OSBPL1A: variants seen among roughly 807,000 people sequenced by gnomAD.
OSBPL1A encodes the protein oxysterol binding protein like 1A, also known as oxysterol-binding protein-related protein 1.
OSBPL1A carries 80 observed loss-of-function variants against 137.1 expected under a neutral mutation model. The observed-to-expected ratio is 0.58, with a 90% CI of 0.49 to 0.70. The LOEUF (loss-of-function observed/expected upper bound fraction) is 0.70. Ranked by LOEUF, OSBPL1A falls within the 30% of genes least tolerant of loss-of-function variation. The probability of loss-of-function intolerance (pLI) is 0.00; values close to 1 mark genes in which losing one functional copy is unlikely to be tolerated. For synonymous variants in OSBPL1A, 365 were observed against 389.7 expected (o/e 0.94, Z 0.75); for missense variants, 970 against 1,129.4 (o/e 0.86, Z 2.02).
intron 24 of OSBPL1A, 88 bp downstream of exon 24, chr18:24,170,237 CTG>C (rs1248745838): frequency 1.4e-6 from 2 of 1,429,216 alleles, no homozygotes; most frequent in Non-Finnish European, 1.9e-6. Flanking sequence ...GAAAGTTAAA[CTG>C]TGACCCTAGA....
chr18:24,166,028 T>A (rs895619460), intron 26 of OSBPL1A, among the ~76,000 whole-genome samples: 1 of 151,846 alleles, frequency 6.6e-6, no homozygotes, highest in South Asian at 2.1e-4. Flanking sequence ...ACCCAGGAGG[T>A]GGAGGTTGCA....
intron 1 of OSBPL1A, among the ~76,000 whole-genome samples, chr18:24,379,152 A>T (rs999504016): frequency 7.2e-5 from 11 of 152,222 alleles, no homozygotes; most frequent in Admixed American, 6.5e-5. Context: ...AAAAATTAAA[A>T]CTTCAATAAA....
At position 24,252,978 on chromosome 18, in the gene OSBPL1A, A is replaced by G. The variant is rs570864339; in HGVS notation, c.1282-13596T>C. ...GAAAAACATACAATACACAAAAAAT[A>G]AAAAGCAAGAAATTAAATCATACCA... is the stretch of plus-strand genomic sequence containing the variant. On this transcript the variant is annotated intron_variant, in intron 15 of 27. Coordinates refer to ENST00000319481, the MANE Select transcript of OSBPL1A (RefSeq NM_080597.4). Among the ~76,000 whole-genome samples the G allele has an allele frequency of 7.6e-4, 115 of 152,134 alleles. 1 individual carries two copies. In the South Asian group the frequency reaches 0.023, roughly 31 times the overall value.
intron 15 of OSBPL1A, among the ~76,000 whole-genome samples, chr18:24,242,815 A>C (rs2088748222): frequency 6.6e-6 from 1 of 152,204 alleles, no homozygotes; most frequent in African/African-American, 2.4e-5. Flanking sequence ...CAAATTACTC[A>C]TGTAATTACA....
intron 14 of OSBPL1A, among the ~76,000 whole-genome samples, chr18:24,300,817 GTC>G (rs146806503): frequency 1.9e-4 from 29 of 149,578 alleles, no homozygotes; most frequent in Non-Finnish European, 2.5e-4. Context: ...CTATCAGTCT[GTC>G]TCTCTCTCTC....
chr18:24,190,619 C>T (rs1008246341), intron 18 of OSBPL1A, among the ~76,000 whole-genome samples: 1 of 152,202 alleles, frequency 6.6e-6, no homozygotes, highest in African/African-American at 2.4e-5. Context: ...TGATCTTAGA[C>T]CACTGTAGAG....
chr18:24,167,430 C>A lies in OSBPL1A; in HGVS notation c.2434G>T (p.Glu812Ter). 1 of 1,614,152 alleles carries A rather than the reference C, an allele frequency of 6.2e-7. No homozygotes were observed. The highest frequency in any genetic ancestry group is 8.5e-7 in the Non-Finnish European group (1 of 1,179,990). Reference protein sequence around the residue: ...KNSKQMSTSEELDEMPVPDSE... With the variant: ...KNSKQMSTSE ...TCCGGCACTGGCATTTCATCCAACT[C>A]CTCAGAGGTGCTCATCTAGAAAAAC... Residue 812 changes from glutamate (E) to a stop codon, truncating the protein, a stop_gained, in exon 25 of 28, where the codon GAG becomes TAG. Transcript: ENST00000319481. LOFTEE classifies it high-confidence loss of function.
intron 7 of OSBPL1A, among the ~76,000 whole-genome samples, chr18:24,328,226 T>G (rs1016127984): frequency 8.9e-6 from 1 of 112,312 alleles, no homozygotes; most frequent in African/African-American, 2.9e-5. Context: ...GTATTTTTTT[T>G]TTTTTTTTTT....
chr18:24,293,123 A>AC (rs2090212759), intron 14 of OSBPL1A, among the ~76,000 whole-genome samples: 1 of 79,014 alleles, frequency 1.3e-5, no homozygotes, highest in Non-Finnish European at 3.1e-5. Flanking sequence ...AAAAAAAAAA[A>AC]AAAAAGAAAA....
At position 24,272,592 on chromosome 18, in the gene OSBPL1A, T is replaced by A. The variant is rs145463610; in HGVS notation, c.1281+8250A>T. Among the ~76,000 whole-genome samples, 138 of 152,344 alleles carry A rather than the reference T, an allele frequency of 9.1e-4. 1 individual carries two copies. Among genetic ancestry groups the A allele is most frequent in the Middle Eastern group, 3.4e-3 (1 of 294 alleles). ...GGGATGTTCAGGTTAATGAAATTTATGGTTAACTGTAACACTCTGATGGAG... is the reference window on the plus strand; with the variant it reads ...GGGATGTTCAGGTTAATGAAATTTAAGGTTAACTGTAACACTCTGATGGAG... On this transcript the variant is annotated intron_variant, in intron 15 of 27. Coordinates refer to ENST00000319481, the MANE Select transcript of OSBPL1A (RefSeq NM_080597.4).
At chr18:24,284,886 T>A (rs1180973823) in intron 14 of OSBPL1A, among the ~76,000 whole-genome samples, 1 of 152,156 alleles carries the variant, frequency 6.6e-6, no homozygotes, top group Admixed American at 6.5e-5. Context: ...AATGCCATCC[T>A]CCCCCAGGAA....
intron 1 of OSBPL1A, among the ~76,000 whole-genome samples, chr18:24,391,149 C>G (rs1028511048): frequency 6.6e-6 from 1 of 152,040 alleles, no homozygotes; most frequent in African/African-American, 2.4e-5. Context: ...CATGGACGAA[C>G]CTGGAATACA....
chr18:24,267,181 A>G (rs1361330591), intron 15 of OSBPL1A, among the ~76,000 whole-genome samples: 4 of 151,608 alleles, frequency 2.6e-5, no homozygotes, highest in African/African-American at 9.7e-5. Context: ...AAAATTATGA[A>G]TACCTTTATA....
intron 3 of OSBPL1A, chr18:24,367,631 A>G (rs1235603700): frequency 4.2e-5 from 6 of 142,108 alleles, no homozygotes; most frequent in African/African-American, 1.3e-4. Flanking sequence ...TGACAAAGTG[A>G]GGCCTTGTCT....
intron 5 of OSBPL1A, among the ~76,000 whole-genome samples, chr18:24,338,815 G>T (rs576800445): frequency 6.6e-6 from 1 of 152,224 alleles, no homozygotes; most frequent in South Asian, 2.1e-4. Flanking sequence ...CTGGGTTCAA[G>T]CAATTCTCCT....
chr18:24,201,127 C>G (rs1200320960), intron 17 of OSBPL1A, among the ~76,000 whole-genome samples: 3 of 152,124 alleles, frequency 2.0e-5, no homozygotes, highest in African/African-American at 7.2e-5. Context: ...TCTCTTCATA[C>G]AGAGAGAACA....
intron 18 of OSBPL1A, among the ~76,000 whole-genome samples, chr18:24,185,647 C>T (rs2086728205): frequency 6.6e-6 from 1 of 152,102 alleles, no homozygotes; most frequent in Admixed American, 6.6e-5. Context: ...AAATGGGCCG[C>T]CCTGGTGAGG....
intron 19 of OSBPL1A, among the ~76,000 whole-genome samples, chr18:24,180,353 C>A (rs2145922706): frequency 6.6e-6 from 1 of 152,194 alleles, no homozygotes; most frequent in Non-Finnish European, 1.5e-5. Flanking sequence ...ACAACATATA[C>A]AATCTTCCAT....
intron 15 of OSBPL1A, among the ~76,000 whole-genome samples, chr18:24,276,298 G>A (rs2089844631): frequency 1.3e-5 from 2 of 152,116 alleles, no homozygotes; most frequent in Admixed American, 1.3e-4. Context: ...GCTAAGAAAA[G>A]ACCCAGCACT....
Sources: gnomAD v4.1 joint callset for allele counts (sites outside exome capture counted in the v4.1 genomes callset) on GRCh38, gnomAD v4.1.1 for gene constraint, MANE v1.5 for transcripts, NCBI Gene and HGNC (gene_info 2026-07-23, HGNC 2026-07-21) for gene names.